The following PDE4D variants were observed in gnomAD, a reference collection of about 807,000 sequenced individuals.
PDE4D encodes the protein phosphodiesterase 4D, also known as 3',5'-cyclic-AMP phosphodiesterase 4D.
Under a neutral mutation model 87.4 loss-of-function variants are expected in PDE4D, and 24 were observed. The ratio of observed to expected loss-of-function variants is 0.27; its 90% confidence interval spans 0.20 to 0.39. The LOEUF (loss-of-function observed/expected upper bound fraction) is 0.39. Among genes scored for constraint, PDE4D ranks in the 10% least tolerant of loss-of-function variants. The pLI is 1.00. For missense variants in PDE4D, 714 were observed against 1,041.0 expected, an observed-to-expected ratio of 0.69 and a Z score of 4.32; for synonymous variants, 384 against 383.2, an observed-to-expected ratio of 1.00 and a Z score of -0.02.
chr5:59,536,107 G>T (rs1452252420), intron 1 of PDE4D, among the ~76,000 whole-genome samples: 1 of 152,014 alleles, frequency 6.6e-6, no homozygotes, highest in Admixed American at 6.5e-5. Flanking sequence ...GAAATGATTA[G>T]AATATCTAAA....
chr5:60,244,479 C>G (rs1293779567), intron 1 of PDE4D, among the ~76,000 whole-genome samples: 7 of 151,766 alleles, frequency 4.6e-5, no homozygotes, highest in Non-Finnish European at 7.4e-5. Context: ...ACAAAATGCC[C>G]AGAATAGCCA....
intron 1 of PDE4D, among the ~76,000 whole-genome samples, chr5:59,751,512 T>C (rs1234092846): frequency 6.6e-6 from 1 of 151,912 alleles, no homozygotes. Flanking sequence ...CTTCCTGTTA[T>C]GTGGAGTGAA....
intron 2 of PDE4D, among the ~76,000 whole-genome samples, chr5:60,055,708 G>A (rs1332027123): frequency 1.3e-5 from 2 of 152,088 alleles, no homozygotes; most frequent in Non-Finnish European, 2.9e-5. Context: ...GTGAAGTTCA[G>A]TGACTCAATC....
chr5:60,304,347 T>C (rs1286300830), intron 1 of PDE4D, among the ~76,000 whole-genome samples: 1 of 151,886 alleles, frequency 6.6e-6, no homozygotes, highest in Non-Finnish European at 1.5e-5. Flanking sequence ...CTTTGGTTGA[T>C]GAAATGGAGA....
intron 1 of PDE4D, among the ~76,000 whole-genome samples, chr5:60,369,438 A>C (rs2149978944): frequency 6.6e-6 from 1 of 152,282 alleles, no homozygotes; most frequent in South Asian, 2.1e-4. Flanking sequence ...TGAGGCAGGC[A>C]TTAAGCCTCT....
At chr5:59,674,820 A>T (rs1380704184) in intron 1 of PDE4D, among the ~76,000 whole-genome samples, 1 of 152,230 alleles carries the variant, frequency 6.6e-6, no homozygotes, top group Non-Finnish European at 1.5e-5. Context: ...TATTACTCAC[A>T]ATTTGAAACA....
chr5:59,131,765 GTA>G (rs1376789423), intron 5 of PDE4D, among the ~76,000 whole-genome samples: 3 of 152,130 alleles, frequency 2.0e-5, no homozygotes, highest in Non-Finnish European at 4.4e-5. Context: ...CATGGTTCCA[GTA>G]TATGTTAGTG....
intron 1 of PDE4D, among the ~76,000 whole-genome samples, chr5:59,795,096 G>A (rs1407596935): frequency 6.6e-6 from 1 of 152,162 alleles, no homozygotes; most frequent in Non-Finnish European, 1.5e-5. Flanking sequence ...GTAAGGCTTG[G>A]CCATGTATTT....
intron 1 of PDE4D, among the ~76,000 whole-genome samples, chr5:60,336,814 T>C (rs551246183): frequency 6.6e-6 from 1 of 152,190 alleles, no homozygotes; most frequent in South Asian, 2.1e-4. Flanking sequence ...TCCAGTGGGG[T>C]TGGGTTGGGT....
chr5:60,347,593 G>A (rs1758838075), intron 1 of PDE4D, among the ~76,000 whole-genome samples: 1 of 151,974 alleles, frequency 6.6e-6, no homozygotes, highest in African/African-American at 2.4e-5. Flanking sequence ...AAAAAATGCT[G>A]GATAAAATAT....
At chr5:60,237,910 G>A (rs75299207) in intron 1 of PDE4D, among the ~76,000 whole-genome samples, 10,803 of 151,610 alleles carry the variant, frequency 0.071, 433 homozygotes, top group Non-Finnish European at 0.097. Flanking sequence ...AAATGTTGGG[G>A]AAAAAAACAA....
chr5:59,156,341 G>A (rs1439844599), intron 5 of PDE4D, among the ~76,000 whole-genome samples: 5,905 of 68,500 alleles, frequency 0.086, 334 homozygotes, highest in African/African-American at 0.15. Flanking sequence ...ATGTGTGTGT[G>A]TGTGTGTGTG....
rs1038826287 is a variant in PDE4D at position 58,970,086 on chromosome 5, C to T, written c.*4578G>A. The T allele has an allele frequency of 6.6e-6, 1 of 152,020 alleles. No homozygotes were observed. Among genetic ancestry groups the T allele is most frequent in the Non-Finnish European group, 1.5e-5 (1 of 68,008 alleles). The allele number at this position is 152,020 out of a possible 1,614,324, so 9.4% of individuals were successfully genotyped here. ...GAGTCATAAATAGGCAGAATCAACC[C>T]ATGCTTTTATTTTCATTGCATATAA... On this transcript the variant is annotated 3_prime_UTR_variant, in exon 15 of 15. Transcript: ENST00000340635.
chr5:59,047,529 G>A (rs1308795893), intron 5 of PDE4D, among the ~76,000 whole-genome samples: 1 of 152,196 alleles, frequency 6.6e-6, no homozygotes, highest in Non-Finnish European at 1.5e-5. Flanking sequence ...ATTACTCTGG[G>A]AATAGTATAA....
intron 6 of PDE4D, among the ~76,000 whole-genome samples, chr5:59,024,678 ATAAAG>A (rs796587190): frequency 2.0e-5 from 3 of 152,226 alleles, no homozygotes; most frequent in African/African-American, 7.2e-5. Flanking sequence ...ATCTTCTGGC[ATAAAG>A]TAAACTAATC....
At chr5:59,364,746 T>G (rs1388019771) in intron 1 of PDE4D, among the ~76,000 whole-genome samples, 1 of 152,172 alleles carries the variant, frequency 6.6e-6, no homozygotes, top group Non-Finnish European at 1.5e-5. Flanking sequence ...TATAGACTAG[T>G]AAGCTACTTT....
At chr5:59,825,121 A>C (rs1224288501) in intron 1 of PDE4D, among the ~76,000 whole-genome samples, 2 of 152,156 alleles carry the variant, frequency 1.3e-5, no homozygotes, top group African/African-American at 2.4e-5. Context: ...ATGTATCTCA[A>C]CTGTCCTTAC....
At chr5:59,607,034 C>T (rs754973058) in intron 1 of PDE4D, among the ~76,000 whole-genome samples, 3 of 152,000 alleles carry the variant, frequency 2.0e-5, no homozygotes, top group Non-Finnish European at 2.9e-5. Context: ...TTTTTCCCTA[C>T]GTTTCAGATG....
chr5:60,509,021 T>A (rs1750449395), intron 1 of PDE4D, among the ~76,000 whole-genome samples: 1 of 152,126 alleles, frequency 6.6e-6, no homozygotes, highest in African/African-American at 2.4e-5. Context: ...TGCCTCAGCC[T>A]CCCGAGTAGC....
Sources: gnomAD v4.1 joint callset for allele counts (sites outside exome capture counted in the v4.1 genomes callset) on GRCh38, gnomAD v4.1.1 for gene constraint, MANE v1.5 for transcripts, NCBI Gene and HGNC (gene_info 2026-07-23, HGNC 2026-07-21) for gene names.